The following TNFRSF13C variants were observed in gnomAD, a reference collection of about 807,000 sequenced individuals.
TNFRSF13C encodes tumor necrosis factor receptor superfamily member 13C.
In TNFRSF13C, 7 loss-of-function variants were observed where a neutral mutation model predicts 12.1. The ratio of observed to expected loss-of-function variants is 0.58; its 90% CI spans 0.33 to 1.08. The LOEUF (loss-of-function observed/expected upper bound fraction) is 1.08. Among genes scored for constraint, TNFRSF13C ranks in the 50% least tolerant of loss-of-function variants. The pLI is 0.04. For missense variants in TNFRSF13C, 260 were observed against 265.9 expected, an observed-to-expected ratio of 0.98 and a Z score of 0.15; for synonymous variants, 157 against 130.8, an observed-to-expected ratio of 1.20 and a Z score of -1.37.
chr22:41,926,072 A>G lies in TNFRSF13C; in HGVS notation c.367+29T>C. The G allele has an allele frequency of 6.2e-7, 1 of 1,611,948 alleles. No individual in the cohort carries two copies. ...ACACCCCAGCCCCTGCGCCCCGCTC[A>G]GACTGGTTCCCCTACACACGGAACT... On this transcript the variant is annotated intron_variant, in intron 2 of 2. Transcript: ENST00000291232. This position sits in a 1 kb window ranked among gnomAD's most constrained non-coding sequence, Gnocchi z 4.9.
At chr22:41,925,995 A>G in intron 2 of TNFRSF13C, 106 bp downstream of exon 2, 1 of 1,452,284 alleles carries the variant, frequency 6.9e-7, no homozygotes, top group Non-Finnish European at 9.5e-7. Context: ...GTTTCCCCTT[A>G]AAGCCCTTCT....
chr22:41,926,128 C>A lies in TNFRSF13C; in HGVS notation c.340G>T (p.Ala114Ser). The change falls in exon 2 of 3, where the codon GCA (alanine) becomes TCA (serine). Residue 114 changes from alanine to serine, a missense_variant. Transcript: ENST00000291232. This position sits in a 1 kb window ranked among gnomAD's most constrained non-coding sequence, Gnocchi z 4.9. ...RQRRLRGASS[A>S]EAPDGDKDAP... ...TCCTTGTCTCCGTCGGGGGCCTCTGCGGAGGACGCGCCGCGAAGCCGCCGC... is the reference window on the plus strand; with the variant it reads ...TCCTTGTCTCCGTCGGGGGCCTCTGAGGAGGACGCGCCGCGAAGCCGCCGC... 6.2e-7 allele frequency: 1 copy of A among 1,612,180 alleles called. No individual in the cohort carries two copies. Among genetic ancestry groups the A allele is most frequent in the Non-Finnish European group, 8.5e-7 (1 of 1,179,756 alleles).
rs975731669 is a variant in TNFRSF13C, at chr22:41,926,138, G to A, written c.330C>T (p.Gly110=). The A allele has an allele frequency of 4.3e-6, 7 of 1,611,596 alleles. No homozygotes were observed. Among genetic ancestry groups the A allele is most frequent in the Non-Finnish European group, 5.9e-6 (7 of 1,179,642 alleles). ...SWRRRQRRLR[G]ASSAEAPDGD... ...CGTCGGGGGCCTCTGCGGAGGACGC[G>A]CCGCGAAGCCGCCGCTGTCGCCGCC... Residue 110 remains glycine (G), a synonymous_variant, in exon 2 of 3, where the codon GGC becomes GGT. Coordinates refer to ENST00000291232, the MANE Select transcript of TNFRSF13C (RefSeq NM_052945.4). The surrounding 1 kb of genome is among the most constrained non-coding windows in gnomAD (Gnocchi z 4.9).
rs769319710 is a variant in TNFRSF13C at position 41,926,307 on chromosome 22, C to CT, written c.160dup (p.Arg54LysfsTer86). The CT allele has an allele frequency of 6.9e-7, 1 of 1,451,250 alleles. No individual in the cohort carries two copies. Among genetic ancestry groups the CT allele is most frequent in the Non-Finnish European group, 9.0e-7 (1 of 1,109,108 alleles). 89.9% of individuals were successfully genotyped at this position (1,451,250 alleles called of 1,614,324 possible). A position where few individuals can be genotyped will look rare whatever the true frequency, so the allele number is the denominator to read the frequency against. ...CGACTCCTGCGGCTGCAGCGCCGTC[C>CT]TGGGCGCAGGGCTGCTGGCCCCGGC... On this transcript the variant is annotated frameshift_variant, in exon 2 of 3. Transcript: ENST00000291232. LOFTEE classifies it high-confidence loss of function. The surrounding 1 kb of genome is among the most constrained non-coding windows in gnomAD (Gnocchi z 4.9).
Position 41,925,329 on chromosome 22 carries a change from C to T in TNFRSF13C, c.*38G>A, listed in dbSNP as rs1480922952. On this transcript the variant is annotated 3_prime_UTR_variant, in exon 3 of 3. Coordinates refer to ENST00000291232, the MANE Select transcript of TNFRSF13C (RefSeq NM_052945.4). ...ATTTCCAAGCCCCTGGCTGGGGGTC[C>T]AGAGGGAGGGCAGGGGCCACCTCCT... is the stretch of plus-strand genomic sequence containing the variant. 1 of 1,574,012 alleles carries T rather than the reference C, an allele frequency of 6.4e-7. No homozygotes were observed. The highest frequency in any genetic ancestry group is 1.4e-5 in the African/African-American group (1 of 73,954).
In TNFRSF13C at chr22:41,923,382, G is replaced by A. The variant is rs112186516; in HGVS notation, c.*1985C>T. ...CAGGAGGTTCTGACCCTGTGCAGGA[G>A]GGCAGGTAGGAGGCGGCTGACTGAG... On this transcript the variant is annotated 3_prime_UTR_variant, in exon 3 of 3. Transcript: ENST00000291232. 1.3e-5 allele frequency: 2 copies of A among 154,760 alleles called. No homozygotes were observed. The highest frequency in any genetic ancestry group is 4.8e-5 in the African/African-American group (2 of 41,652). 9.6% of individuals were successfully genotyped at this position (154,760 alleles called of 1,614,324 possible). A position where few individuals can be genotyped will look rare whatever the true frequency, so the allele number is the denominator to read the frequency against.
Position 41,926,400 on chromosome 22 carries a change from G to A in TNFRSF13C, c.137-69C>T. 1.6e-6 allele frequency: 2 copies of A among 1,256,464 alleles called. No homozygotes were observed. Among genetic ancestry groups the A allele is most frequent in the Non-Finnish European group, 2.0e-6 (2 of 978,486 alleles). 77.8% of individuals were successfully genotyped at this position (1,256,464 alleles called of 1,614,324 possible). On this transcript the variant is annotated intron_variant, in intron 1 of 2. Transcript: ENST00000291232. The surrounding 1 kb of genome is among the most constrained non-coding windows in gnomAD (Gnocchi z 4.9). ...GAGGGAGGAGCGGGGACGGGGAGGGGCGGAGGGGGGCGAGGCTGGCCGGGG... is the reference window on the plus strand; with the variant it reads ...GAGGGAGGAGCGGGGACGGGGAGGGACGGAGGGGGGCGAGGCTGGCCGGGG...
In TNFRSF13C at chr22:41,922,799, C is replaced by A. The variant is rs1428592287; in HGVS notation, c.*2568G>T. On this transcript the variant is annotated 3_prime_UTR_variant, in exon 3 of 3. Transcript: ENST00000291232. ...AAGATGGGGTGGGAGATGGGGTGGC[C>A]AGGAGAAGATGGGGTGGGAGCTGGG... 1.3e-5 allele frequency: 1 copy of A among 76,790 alleles called. No individual in the cohort carries two copies. The highest frequency in any genetic ancestry group is 5.5e-5 in the African/African-American group (1 of 18,142). 4.8% of individuals were successfully genotyped at this position (76,790 alleles called of 1,614,324 possible).
chr22:41,926,346 G>A lies in TNFRSF13C; in HGVS notation c.137-15C>T, dbSNP rs958426515. ...GCTGGCCCCGGCTGCTTCGGGAGGG[G>A]ACAGGGAGGGAGGCCAGGGGGCCGA... On this transcript the variant is annotated splice_polypyrimidine_tract_variant and intron_variant, in intron 1 of 2. Transcript: ENST00000291232. The surrounding 1 kb of genome is among the most constrained non-coding windows in gnomAD (Gnocchi z 4.9). 11 of 1,336,016 alleles carry A rather than the reference G, an allele frequency of 8.2e-6. No individual in the cohort carries two copies. The African/African-American group carries it at 1.7e-4, about 21-fold the overall frequency. The allele number at this position is 1,336,016 out of a possible 1,614,324, so 82.8% of individuals were successfully genotyped here. A position where few individuals can be genotyped will look rare whatever the true frequency, so the allele number is the denominator to read the frequency against.
rs58264802 is a variant in TNFRSF13C at position 41,924,599 on chromosome 22, G to C, written c.*768C>G. ...TTGAGCCCAGGCTGCAATTAGCTGG[G>C]GACCCATCGTTGCACTCCAGCCTGC... On this transcript the variant is annotated 3_prime_UTR_variant, in exon 3 of 3. Transcript: ENST00000291232. The C allele has an allele frequency of 0.041, 6,170 of 151,938 alleles. 280 individuals are homozygous for C. Among genetic ancestry groups the C allele is most frequent in the African/African-American group, 0.1 (4,275 of 41,350 alleles). 9.4% of individuals were successfully genotyped at this position (151,938 alleles called of 1,614,324 possible).
At chr22:41,925,673 G>A in intron 2 of TNFRSF13C, 119 bp from the exon 3 acceptor site, 1 of 1,289,312 alleles carries the variant, frequency 7.8e-7, no homozygotes, top group Non-Finnish European at 1.1e-6. Context: ...GTGGGGAGGG[G>A]TGGCACCTGG....
At position 41,925,370 on chromosome 22, in the gene TNFRSF13C, T is replaced by C; in HGVS notation, c.552A>G (p.Gln184=). The C allele has an allele frequency of 6.2e-7, 1 of 1,602,548 alleles. No homozygotes were observed. Among genetic ancestry groups the C allele is most frequent in the Non-Finnish European group, 8.5e-7 (1 of 1,177,368 alleles). ...VTTKTAGPEQ[Q] is the part of the protein sequence containing the mutation. ...GCCACCTCCTGCCGGCTCCCTGCTA[T>C]TGTTGCTCAGGGCCGGCCGTCTTGG... The change falls in exon 3 of 3, where the codon CAA becomes CAG. Residue 184 remains glutamine, a synonymous_variant. Transcript: ENST00000291232.
chr22:41,926,754 C>A lies in TNFRSF13C; in HGVS notation c.20G>T (p.Ser7Ile). 1 of 1,363,886 alleles carries A rather than the reference C, an allele frequency of 7.3e-7. No individual in the cohort carries two copies. Among genetic ancestry groups the A allele is most frequent in the South Asian group, 1.7e-5 (1 of 58,548 alleles). The allele number at this position is 1,363,886 out of a possible 1,614,324, so 84.5% of individuals were successfully genotyped here. The change falls in exon 1 of 3, where the codon AGC becomes ATC. Residue 7 changes from serine to isoleucine, a missense_variant. Ser to Ile is a moderately radical substitution (Grantham distance 142, BLOSUM62 -2). Coordinates refer to ENST00000291232, the MANE Select transcript of TNFRSF13C (RefSeq NM_052945.4). The surrounding 1 kb of genome is among the most constrained non-coding windows in gnomAD (Gnocchi z 4.9). MRRGPR[S>I]LRGRDAPAPT... ...GGCTGGCGCGTCCCTGCCCCGCAGG[C>A]TCCGGGGCCCTCGCCTCATGGTGCC...
chr22:41,924,097 G>C lies in TNFRSF13C; in HGVS notation c.*1270C>G, dbSNP rs889161598. 6.6e-6 allele frequency: 1 copy of C among 151,984 alleles called. No individual in the cohort carries two copies. Among genetic ancestry groups the C allele is most frequent in the Non-Finnish European group, 1.5e-5 (1 of 68,018 alleles). The allele number at this position is 151,984 out of a possible 1,614,324, so 9.4% of individuals were successfully genotyped here. On this transcript the variant is annotated 3_prime_UTR_variant, in exon 3 of 3. Coordinates refer to ENST00000291232, the MANE Select transcript of TNFRSF13C (RefSeq NM_052945.4). ...TATTAAAGAAATAGAGGCCAGGCCC[G>C]GCGCCTCCTGCCTATAATCCCAGCC...
In TNFRSF13C at chr22:41,926,434, G is replaced by A; in HGVS notation, c.137-103C>T. 3 of 498,838 alleles carry A rather than the reference G, an allele frequency of 6.0e-6. No individual in the cohort carries two copies. The highest frequency in any genetic ancestry group is 9.1e-6 in the Non-Finnish European group (3 of 330,154). 30.9% of individuals were successfully genotyped at this position (498,838 alleles called of 1,614,324 possible). ...GGCGAGGCTGGCCGGGGAGGGGAGG[G>A]ACAGCCGGGGGGCGGTGGACAAGGG... On this transcript the variant is annotated intron_variant, in intron 1 of 2. Transcript: ENST00000291232. The surrounding 1 kb of genome is among the most constrained non-coding windows in gnomAD (Gnocchi z 4.9).
At chr22:41,925,941 C>A (rs956784100) in intron 2 of TNFRSF13C, among the ~76,000 whole-genome samples, 160 bp downstream of exon 2, 8 of 152,234 alleles carry the variant, frequency 5.3e-5, no homozygotes, top group African/African-American at 1.7e-4. Flanking sequence ...GTCTCCCTCC[C>A]CAGCCTGAGC....
chr22:41,925,698 A>G, intron 2 of TNFRSF13C, 144 bp from the exon 3 acceptor site: 2 of 1,022,232 alleles, frequency 2.0e-6, no homozygotes, highest in Non-Finnish European at 2.9e-6. Flanking sequence ...CCCTGAGTCC[A>G]GAGGCCTGGC....
rs1221661296 is a variant in TNFRSF13C at position 41,923,229 on chromosome 22, T to C, written c.*2138A>G. 4.5e-5 allele frequency: 7 copies of C among 154,770 alleles called. No individual in the cohort carries two copies. Among genetic ancestry groups the C allele is most frequent in the Non-Finnish European group, 1.0e-4 (7 of 68,548 alleles). 9.6% of individuals were successfully genotyped at this position (154,770 alleles called of 1,614,324 possible). On this transcript the variant is annotated 3_prime_UTR_variant, in exon 3 of 3. Coordinates refer to ENST00000291232, the MANE Select transcript of TNFRSF13C (RefSeq NM_052945.4). ...AACATCTGATGCACAGAACAGAACA[T>C]GCCCAGGGCCCAAGAGTGGGAAAAC...
Position 41,925,475 on chromosome 22 carries a change from C to T in TNFRSF13C, c.447G>A (p.Gly149=), listed in dbSNP as rs746050423. The T allele has an allele frequency of 1.1e-5, 17 of 1,613,056 alleles. No homozygotes were observed. The highest frequency in any genetic ancestry group is 1.4e-5 in the Non-Finnish European group (16 of 1,179,976). Residue 149 remains glycine (G), a synonymous_variant, in exon 3 of 3, where the codon GGG becomes GGA. Coordinates refer to ENST00000291232, the MANE Select transcript of TNFRSF13C (RefSeq NM_052945.4). ...CAGGTGGGGTGGTTCCTGGGTCTTC[C>T]CCAGGAGGAGGCCAGGCAGGAGCTG... ...DATAPAWPPP[G]EDPGTTPPGH...
Sources: gnomAD v4.1 joint callset for allele counts (sites outside exome capture counted in the v4.1 genomes callset) on GRCh38, gnomAD v4.1.1 for gene constraint, Gnocchi (gnomAD v3.1) non-coding constraint, MANE v1.5 for transcripts, NCBI Gene and HGNC (gene_info 2026-07-23, HGNC 2026-07-21) for gene names.